The following TBC1D16 variants were observed in gnomAD, a reference collection of about 807,000 sequenced individuals.
TBC1D16 encodes the protein TBC1 domain family member 16.
Under a neutral mutation model 74.7 loss-of-function variants are expected in TBC1D16, and 58 were observed. That is an observed-to-expected ratio of 0.78 (90% CI 0.63 to 0.97). The LOEUF (loss-of-function observed/expected upper bound fraction) is 0.97. Ranked by LOEUF, TBC1D16 falls within the 50% of genes least tolerant of loss-of-function variation. TBC1D16 has a pLI of 0.00. For synonymous variants in TBC1D16, 493 were observed against 474.7 expected (o/e 1.04, Z -0.50); for missense variants, 1,014 against 1,079.5 (o/e 0.94, Z 0.85).
In TBC1D16 at chr17:80,025,513, G is replaced by A. The variant is rs1014952169; in HGVS notation, c.-63+10282C>T. 6.0e-5 allele frequency among the ~76,000 whole-genome samples: 9 copies of A among 149,606 alleles called. 2 individuals are homozygous for A. The highest frequency in any genetic ancestry group is 4.3e-4 in the South Asian group (2 of 4,654). ...AATAAGGGGCCTGGCAAATGCCCCC[G>A]GAGAGCCCTGGAGAGTTTTGCAGCA... On this transcript the variant is annotated intron_variant, in intron 1 of 11. Coordinates refer to ENST00000310924, the MANE Select transcript of TBC1D16 (RefSeq NM_019020.4).
In TBC1D16 at chr17:79,985,063, T is replaced by C. The variant is rs556585764; in HGVS notation, c.779+25097A>G. ...ATGTATTGTCTGGCAGTTCTGGAGG[T>C]CAAAGTCAAGGTGCTAGTCGGGCCG... On this transcript the variant is annotated intron_variant, in intron 3 of 11. Transcript: ENST00000310924. This position sits in a 1 kb window ranked among gnomAD's most constrained non-coding sequence, Gnocchi z 4.9. 1.1e-4 allele frequency among the ~76,000 whole-genome samples: 17 copies of C among 152,064 alleles called. No homozygotes were observed. Among genetic ancestry groups the C allele is most frequent in the African/African-American group, 3.4e-4 (14 of 41,476 alleles).
chr17:79,947,875 CGCG>C (rs1568574890), intron 8 of TBC1D16, 44 bp from the exon 9 acceptor site: 1 of 1,548,702 alleles, frequency 6.5e-7, no homozygotes, highest in Non-Finnish European at 8.9e-7. Context: ...TGACCCTCAC[CGCG>C]GCACACTGCC....
At chr17:79,960,806 A>AAAAAAAAG (rs2033572874) in intron 3 of TBC1D16, among the ~76,000 whole-genome samples, 1 of 144,792 alleles carries the variant, frequency 6.9e-6, no homozygotes, top group Non-Finnish European at 1.5e-5. Flanking sequence ...AAAAAAAAAA[A>AAAAAAAAG]AAACGAAGGA....
rs981960570 is a variant in TBC1D16 at position 79,944,155 on chromosome 17, C to A, written c.1908+753G>T. 6.5e-6 allele frequency: 10 copies of A among 1,535,580 alleles called. No individual in the cohort carries two copies. Among genetic ancestry groups the A allele is most frequent in the Non-Finnish European group, 8.7e-6 (10 of 1,146,618 alleles). ...AGACGCTGACGCAAATGTCTTCCAG[C>A]AGATGGGTGTTTGCCTCCATCTTCA... is the stretch of plus-strand genomic sequence containing the variant. On this transcript the variant is annotated intron_variant, in intron 10 of 11. Coordinates refer to ENST00000310924, the MANE Select transcript of TBC1D16 (RefSeq NM_019020.4). The surrounding 1 kb of genome is among the most constrained non-coding windows in gnomAD (Gnocchi z 7.7).
At chr17:80,023,657 G>GCC (rs200450567) in intron 1 of TBC1D16, among the ~76,000 whole-genome samples, 2,614 of 143,822 alleles carry the variant, frequency 0.018, 63 homozygotes, top group Non-Finnish European at 0.027. Context: ...CTGCTGCCGG[G>GCC]CCCCCCCCCA....
In TBC1D16 at chr17:79,940,888, G is replaced by A. The variant is rs2031909465; in HGVS notation, c.2275C>T (p.Pro759Ser). The A allele has an allele frequency of 6.4e-7, 1 of 1,570,444 alleles. No homozygotes were observed. The highest frequency in any genetic ancestry group is 1.4e-5 in the African/African-American group (1 of 74,048). Residue 759 changes from proline to serine, a missense_variant, in exon 12 of 12, where the codon CCG (proline) becomes TCG (serine). Transcript: ENST00000310924. This position sits in a 1 kb window ranked among gnomAD's most constrained non-coding sequence, Gnocchi z 5.4. ...LREGKKGPKT[P>S]QDGFGFRR ...CTGCGGAAGCCGAAGCCGTCCTGCG[G>A]CGTCTTTGGGCCCTTCTTGCCTTCC...
At chr17:79,995,772 G>A (rs1471408645) in intron 3 of TBC1D16, among the ~76,000 whole-genome samples, 3 of 151,906 alleles carry the variant, frequency 2.0e-5, no homozygotes, top group Admixed American at 6.6e-5. Context: ...GCGACAGAGC[G>A]AAACTCTGTC....
intron 3 of TBC1D16, among the ~76,000 whole-genome samples, chr17:79,962,831 G>A (rs1161584467): frequency 1.4e-4 from 22 of 151,856 alleles, no homozygotes; most frequent in Non-Finnish European, 1.5e-5. Flanking sequence ...GGAGGCCGAG[G>A]TGGGCGGATC....
At chr17:80,024,086 T>C (rs1481474577) in intron 1 of TBC1D16, 1 of 106,332 alleles carries the variant, frequency 9.4e-6, no homozygotes, top group Non-Finnish European at 2.3e-5. Flanking sequence ...AGAAGCGGCT[T>C]TTGGCTTTCC....
At chr17:80,030,758 C>T (rs572687214) in intron 1 of TBC1D16, among the ~76,000 whole-genome samples, 1 of 152,304 alleles carries the variant, frequency 6.6e-6, no homozygotes, top group East Asian at 1.9e-4. Context: ...TAGTGACAGG[C>T]AGGGGCAGAG....
At chr17:79,947,982 T>G (rs2143611983) in intron 8 of TBC1D16, 151 bp from the exon 9 acceptor site, 1 of 686,270 alleles carries the variant, frequency 1.5e-6, no homozygotes, top group Non-Finnish European at 2.4e-6. Flanking sequence ...GAGCCCAAGC[T>G]TAGCTTCCAG....
In TBC1D16 at chr17:79,961,584, A is replaced by G. The variant is rs141957952; in HGVS notation, c.780-8766T>C. ...TATCTAAAATAGCTAAGAACTGGCC[A>G]GGCACAGTGGCTCACGCCTATAATC... On this transcript the variant is annotated intron_variant, in intron 3 of 11. Transcript: ENST00000310924. This position sits in a 1 kb window ranked among gnomAD's most constrained non-coding sequence, Gnocchi z 4.8. Among the ~76,000 whole-genome samples the G allele has an allele frequency of 1.9e-3, 297 of 152,366 alleles. 1 individual carries two copies. Among genetic ancestry groups the G allele is most frequent in the African/African-American group, 6.8e-3 (281 of 41,590 alleles).
Position 80,010,404 on chromosome 17 carries a change from GC to G in TBC1D16, c.534del (p.Gln178HisfsTer43), listed in dbSNP as rs1309520187. 7 of 1,611,492 alleles carry G rather than the reference GC, an allele frequency of 4.3e-6. No individual in the cohort carries two copies. In the African/African-American group the frequency reaches 9.3e-5, roughly 22 times the overall value. ...AAGATCCCGGAGGGGCTGCAAGCAG[GC>G]TGCGAGGCTGGCTGGGCACCATCCA... ...LGVDGAQPAS[Q>X]PACSPSGILS... On this transcript the variant is annotated frameshift_variant, in exon 3 of 12. Coordinates refer to ENST00000310924, the MANE Select transcript of TBC1D16 (RefSeq NM_019020.4). LOFTEE classifies it high-confidence loss of function. This position sits in a 1 kb window ranked among gnomAD's most constrained non-coding sequence, Gnocchi z 8.8.
intron 3 of TBC1D16, among the ~76,000 whole-genome samples, chr17:80,005,610 T>C (rs575735340): frequency 2.0e-5 from 3 of 152,278 alleles, no homozygotes; most frequent in Admixed American, 6.5e-5. Context: ...GGACGACGCA[T>C]TGGCGACAGC....
rs1045769338 is a variant in TBC1D16, at chr17:80,007,184, G to A, written c.779+2976C>T. Among the ~76,000 whole-genome samples, 6 of 152,184 alleles carry A rather than the reference G, an allele frequency of 3.9e-5. No homozygotes were observed. The highest frequency in any genetic ancestry group is 4.1e-4 in the South Asian group (2 of 4,830). On this transcript the variant is annotated intron_variant, in intron 3 of 11. Transcript: ENST00000310924. The surrounding 1 kb of genome is among the most constrained non-coding windows in gnomAD (Gnocchi z 4.5). Reference sequence around the variant, plus strand: ...CTGAGGTGCGAGCCACACCGAGCCCGCGGCCATGTGGCCAAGAGGCATTTT... The same window carrying A: ...CTGAGGTGCGAGCCACACCGAGCCCACGGCCATGTGGCCAAGAGGCATTTT...
At chr17:80,034,606 C>T (rs566196602) in intron 1 of TBC1D16, among the ~76,000 whole-genome samples, 8 of 152,354 alleles carry the variant, frequency 5.3e-5, no homozygotes, top group East Asian at 3.9e-4. Flanking sequence ...ATGCAAACAA[C>T]ATCCATTAAT....
At chr17:80,020,808 C>T (rs751873531) in intron 1 of TBC1D16, among the ~76,000 whole-genome samples, 12 of 149,836 alleles carry the variant, frequency 8.0e-5, no homozygotes, top group Non-Finnish European at 1.5e-4. Context: ...GTGGGTTCCC[C>T]GAAATGTAAG....
rs1131935 is a variant in TBC1D16, at chr17:79,936,496, T to C, written c.*4363A>G. 4,082 of 152,356 alleles carry C rather than the reference T, an allele frequency of 0.027. 100 individuals carry two copies. The highest frequency in any genetic ancestry group is 0.11 in the Middle Eastern group (31 of 294). 9.4% of individuals were successfully genotyped at this position (152,356 alleles called of 1,614,324 possible). On this transcript the variant is annotated 3_prime_UTR_variant, in exon 12 of 12. Coordinates refer to ENST00000310924, the MANE Select transcript of TBC1D16 (RefSeq NM_019020.4). ...AGGTGGCCTGGGCAGGCAGGCATCA[T>C]TATTCTCATGTTACAGGTGAGGAAA...
At chr17:79,965,489 T>C (rs1175196461) in intron 3 of TBC1D16, among the ~76,000 whole-genome samples, 2 of 152,254 alleles carry the variant, frequency 1.3e-5, no homozygotes, top group Non-Finnish European at 2.9e-5. Context: ...ATTATCGTCA[T>C]GGCTACCATT....
Sources: allele counts gnomAD v4.1 joint callset (sites outside exome capture counted in the v4.1 genomes callset), GRCh38; gene constraint gnomAD v4.1.1; non-coding constraint Gnocchi (gnomAD v3.1); transcripts MANE v1.5; gene names NCBI Gene and HGNC (gene_info 2026-07-23, HGNC 2026-07-21).